The following KCNH8 variants were observed in gnomAD, a reference collection of about 807,000 sequenced individuals.
KCNH8 encodes potassium voltage-gated channel subfamily H member 8.
Under a neutral mutation model 103.6 loss-of-function variants are expected in KCNH8, and 70 were observed. The observed-to-expected ratio is 0.68, with a 90% CI of 0.56 to 0.82. The LOEUF is 0.82. Among genes scored for constraint, KCNH8 ranks in the 40% least tolerant of loss-of-function variants. The pLI is 0.00. For missense variants in KCNH8, 1,217 were observed against 1,329.9 expected (o/e 0.92, Z 1.32); for synonymous variants, 498 against 489.4 (o/e 1.02, Z -0.23).
At chr3:19,155,146 A>T (rs941070316) in intron 1 of KCNH8, among the ~76,000 whole-genome samples, 13 of 152,208 alleles carry the variant, frequency 8.5e-5, no homozygotes, top group Non-Finnish European at 1.9e-4. Flanking sequence ...CCCCAAATGA[A>T]CTAATAATCT....
At chr3:19,172,490 C>T (rs1228669061) in intron 1 of KCNH8, among the ~76,000 whole-genome samples, 1 of 152,086 alleles carries the variant, frequency 6.6e-6, no homozygotes, top group Non-Finnish European at 1.5e-5. Flanking sequence ...TATAAAACTC[C>T]TTGATCACTT....
chr3:19,402,979 C>A (rs1212024513), intron 7 of KCNH8, among the ~76,000 whole-genome samples: 2 of 151,780 alleles, frequency 1.3e-5, no homozygotes, highest in African/African-American at 4.8e-5. Context: ...GATTCTATTT[C>A]TATTCAATAG....
intron 12 of KCNH8, among the ~76,000 whole-genome samples, chr3:19,512,347 TC>T (rs2068797351): frequency 6.6e-6 from 1 of 152,172 alleles, no homozygotes; most frequent in Non-Finnish European, 1.5e-5. Context: ...TCCTTCCTTT[TC>T]CAAGGCTTTT....
intron 3 of KCNH8, among the ~76,000 whole-genome samples, chr3:19,324,299 A>T (rs2065391047): frequency 6.6e-6 from 1 of 152,130 alleles, no homozygotes; most frequent in Admixed American, 6.6e-5. Context: ...GGCCTCGGGA[A>T]ACTTACAATC....
At chr3:19,467,751 G>A (rs908804556) in intron 11 of KCNH8, among the ~76,000 whole-genome samples, 1 of 152,176 alleles carries the variant, frequency 6.6e-6, no homozygotes, top group Non-Finnish European at 1.5e-5. Flanking sequence ...AAATCAAACT[G>A]TCTCATTTTG....
intron 3 of KCNH8, among the ~76,000 whole-genome samples, chr3:19,296,649 A>G (rs1283969807): frequency 2.6e-5 from 4 of 152,208 alleles, no homozygotes; most frequent in Non-Finnish European, 4.4e-5. Flanking sequence ...AACTATGAGG[A>G]TGCAAAAGCA....
chr3:19,253,864 A>G lies in KCNH8; in HGVS notation c.287A>G (p.Glu96Gly), dbSNP rs763395090. 27 of 1,612,664 alleles carry G rather than the reference A, an allele frequency of 1.7e-5. No homozygotes were observed. In the Admixed American group the frequency reaches 4.5e-4, roughly 27 times the overall value. Residue 96 changes from glutamate (E) to glycine (G), a missense_variant, in exon 2 of 16, where the codon GAA becomes GGA. Coordinates refer to ENST00000328405, the MANE Select transcript of KCNH8 (RefSeq NM_144633.3). ...GAGGAGAAAACAGAATTCAAAGGAGAAATTATGTTCTACAAGAAAAACGGT... is the reference window on the plus strand; with the variant it reads ...GAGGAGAAAACAGAATTCAAAGGAGGAATTATGTTCTACAAGAAAAACGGT... ...SLEEKTEFKG[E>G]IMFYKKNGSP...
intron 2 of KCNH8, among the ~76,000 whole-genome samples, chr3:19,263,595 G>A (rs1368706289): frequency 6.6e-6 from 1 of 152,102 alleles, no homozygotes; most frequent in Admixed American, 6.6e-5. Flanking sequence ...GTGGGTTTGG[G>A]TAGTCGCTAG....
At chr3:19,179,321 T>C (rs1247382478) in intron 1 of KCNH8, among the ~76,000 whole-genome samples, 1 of 152,162 alleles carries the variant, frequency 6.6e-6, no homozygotes, top group Non-Finnish European at 1.5e-5. Flanking sequence ...TAAAAAACTA[T>C]GCTGATTAAC....
intron 11 of KCNH8, among the ~76,000 whole-genome samples, chr3:19,459,571 T>G (rs2067589203): frequency 6.6e-6 from 1 of 152,124 alleles, no homozygotes; most frequent in Admixed American, 6.6e-5. Context: ...TTCTGTTGAT[T>G]GTTCCTTTTC....
At chr3:19,423,461 A>G (rs1478948765) in intron 7 of KCNH8, among the ~76,000 whole-genome samples, 1 of 151,924 alleles carries the variant, frequency 6.6e-6, no homozygotes, top group Non-Finnish European at 1.5e-5. Flanking sequence ...TGAGTCCATT[A>G]TATCATTCTT....
chr3:19,288,560 T>G (rs2064870519), intron 3 of KCNH8, among the ~76,000 whole-genome samples: 1 of 152,172 alleles, frequency 6.6e-6, no homozygotes, highest in African/African-American at 2.4e-5. Flanking sequence ...GGACATGAAC[T>G]CATCATTTTT....
chr3:19,233,606 G>GA (rs2064022636), intron 1 of KCNH8, among the ~76,000 whole-genome samples: 2 of 152,218 alleles, frequency 1.3e-5, no homozygotes, highest in East Asian at 1.9e-4. Context: ...ACATTGATGA[G>GA]AAAAAAACAT....
chr3:19,194,000 C>T (rs1469578767), intron 1 of KCNH8, among the ~76,000 whole-genome samples: 2 of 151,380 alleles, frequency 1.3e-5, no homozygotes, highest in East Asian at 3.9e-4. Flanking sequence ...GGTGTAGAAC[C>T]GAGCATATTT....
At chr3:19,530,544 T>C (rs1367599404) in intron 15 of KCNH8, among the ~76,000 whole-genome samples, 1 of 152,202 alleles carries the variant, frequency 6.6e-6, no homozygotes. Flanking sequence ...TATTAACATA[T>C]CTGTTTCCAG....
chr3:19,188,431 CAAAT>C (rs1041822022), intron 1 of KCNH8, among the ~76,000 whole-genome samples: 3 of 151,942 alleles, frequency 2.0e-5, no homozygotes, highest in Non-Finnish European at 4.4e-5. Context: ...AATATGTAAA[CAAAT>C]GAATGTGGTT....
intron 3 of KCNH8, among the ~76,000 whole-genome samples, chr3:19,330,686 G>C (rs573555937): frequency 6.6e-6 from 1 of 152,142 alleles, no homozygotes; most frequent in South Asian, 2.1e-4. Context: ...CCACTAATAG[G>C]GTAATTTTTG....
intron 3 of KCNH8, among the ~76,000 whole-genome samples, chr3:19,326,948 A>G (rs1042281374): frequency 1.3e-5 from 2 of 152,106 alleles, no homozygotes; most frequent in African/African-American, 4.8e-5. Context: ...GACTTCATTG[A>G]TATATCTGGT....
At chr3:19,245,075 T>C (rs2064187178) in intron 1 of KCNH8, among the ~76,000 whole-genome samples, 1 of 152,214 alleles carries the variant, frequency 6.6e-6, no homozygotes, top group South Asian at 2.1e-4. Flanking sequence ...TTCTTCAGGA[T>C]TTTTATAGTT....
Sources: allele counts gnomAD v4.1 joint callset (sites outside exome capture counted in the v4.1 genomes callset), GRCh38; gene constraint gnomAD v4.1.1; transcripts MANE v1.5; gene names NCBI Gene and HGNC (gene_info 2026-07-23, HGNC 2026-07-21).